Variants in HSPBAP1 observed in about 807,000 individuals in gnomAD.
HSPBAP1 encodes HSPB1 associated protein 1.
HSPBAP1 carries 27 observed loss-of-function variants against 45.2 expected under a neutral mutation model. That is an observed-to-expected ratio of 0.60 (90% CI 0.44 to 0.82). The LOEUF (loss-of-function observed/expected upper bound fraction) is 0.82. HSPBAP1 is among the 40% of genes least tolerant of loss of function. The probability of loss-of-function intolerance (pLI) is 0.00; values close to 1 mark genes in which losing one functional copy is unlikely to be tolerated. For synonymous variants in HSPBAP1, 204 were observed against 202.7 expected (o/e 1.01, Z -0.06); for missense variants, 510 against 590.9 (o/e 0.86, Z 1.42).
At chr3:122,751,681 T>C (rs1315030062) in intron 6 of HSPBAP1, among the ~76,000 whole-genome samples, 2 of 152,218 alleles carry the variant, frequency 1.3e-5, no homozygotes, top group Non-Finnish European at 2.9e-5. Context: ...AAGTTCTCCA[T>C]GGATTCTACC....
Position 122,768,736 on chromosome 3 carries a change from C to G in HSPBAP1, c.397G>C (p.Val133Leu). The change falls in exon 3 of 8, where the codon GTC becomes CTC. Residue 133 changes from valine (V) to leucine (L), a missense_variant. Coordinates refer to ENST00000306103, the MANE Select transcript of HSPBAP1 (RefSeq NM_024610.6). The stretch of plus-strand genomic sequence containing the variant: ...TCTGTCTTGTCTTCAAATAGACTGA[C>G]AAAATATTTATAGTCAGCATAAGCC... ...FWAYADYKYF[V>L]SLFEDKTDLF... 1.2e-6 allele frequency: 2 copies of G among 1,612,662 alleles called. No individual in the cohort carries two copies. The highest frequency in any genetic ancestry group is 1.1e-5 in the South Asian group (1 of 91,052).
chr3:122,743,435 G>A (rs1933736852), intron 6 of HSPBAP1, among the ~76,000 whole-genome samples: 1 of 152,114 alleles, frequency 6.6e-6, no homozygotes. Context: ...GCCTGGTGGT[G>A]CATGCCTTTA....
chr3:122,759,940 C>A (rs1410002259), intron 3 of HSPBAP1, among the ~76,000 whole-genome samples: 1 of 152,208 alleles, frequency 6.6e-6, no homozygotes, highest in Admixed American at 6.5e-5. Flanking sequence ...TTAAAACTAT[C>A]AATGCTGGAG....
Position 122,740,838 on chromosome 3 carries a change from A to C in HSPBAP1, c.974T>G (p.Leu325Ter), listed in dbSNP as rs537005109. The change falls in exon 8 of 8, where the codon TTA (leucine) becomes TGA (stop). Residue 325 changes from leucine to a stop codon, truncating the protein, a stop_gained. Coordinates refer to ENST00000306103, the MANE Select transcript of HSPBAP1 (RefSeq NM_024610.6). LOFTEE classifies it low-confidence loss of function (END_TRUNC). ...AAAAAATGCAGAAACAGCTGCATTTAAGTAGCAACAGTTGACTGCATGGGA... is the reference window on the plus strand; with the variant it reads ...AAAAAATGCAGAAACAGCTGCATTTCAGTAGCAACAGTTGACTGCATGGGA... ...ETSHAVNCCY[L>*]NAAVSAFFDR... 1 of 1,614,166 alleles carries C rather than the reference A, an allele frequency of 6.2e-7. No homozygotes were observed. Among genetic ancestry groups the C allele is most frequent in the African/African-American group, 1.3e-5 (1 of 75,054 alleles).
chr3:122,770,482 T>A (rs1934954113), intron 2 of HSPBAP1, among the ~76,000 whole-genome samples: 1 of 152,104 alleles, frequency 6.6e-6, no homozygotes, highest in Non-Finnish European at 1.5e-5. Context: ...GAGGACTACT[T>A]GAGCCCAGGA....
At position 122,740,792 on chromosome 3, in the gene HSPBAP1, C is replaced by T. The variant is rs1189211804; in HGVS notation, c.1020G>A (p.Glu340=). The change falls in exon 8 of 8, where the codon GAG becomes GAA. Residue 340 remains glutamate, a synonymous_variant. Transcript: ENST00000306103. ...SAFFDRCRTS[E]VVEIQALRTD... is the part of the protein sequence containing the mutation. ...TTCTCAGTGCTTGGATTTCTACTAC[C>T]TCAGATGTTCTGCAGCGATCAAAAA... 1.2e-6 allele frequency: 2 copies of T among 1,614,052 alleles called. No individual in the cohort carries two copies. The highest frequency in any genetic ancestry group is 1.7e-6 in the Non-Finnish European group (2 of 1,180,036).
At chr3:122,743,392 C>T (rs1324733495) in intron 6 of HSPBAP1, among the ~76,000 whole-genome samples, 1 of 152,114 alleles carries the variant, frequency 6.6e-6, no homozygotes, top group Non-Finnish European at 1.5e-5. Context: ...CTTGGAGAAA[C>T]CCCGTCTCTA....
rs374188364 is a variant in HSPBAP1, at chr3:122,786,093, A to C, written c.64+7524T>G. On this transcript the variant is annotated intron_variant, in intron 1 of 7. Transcript: ENST00000306103. Reference sequence around the variant, plus strand: ...TGTTCATCTTTGTGCTACTGAACCAACTACTACCTCCTGAATCCTTTTAGA... The same window carrying C: ...TGTTCATCTTTGTGCTACTGAACCACCTACTACCTCCTGAATCCTTTTAGA... Among the ~76,000 whole-genome samples, 14 of 152,176 alleles carry C rather than the reference A, an allele frequency of 9.2e-5. No individual in the cohort carries two copies. The East Asian group carries it at 2.5e-3, about 27-fold the overall frequency.
At chr3:122,780,189 AC>A (rs1436128317) in intron 1 of HSPBAP1, among the ~76,000 whole-genome samples, 11 of 60,450 alleles carry the variant, frequency 1.8e-4, no homozygotes, top group Non-Finnish European at 2.2e-4. Flanking sequence ...CGGGGGGCTG[AC>A]CCCCCCACCT....
intron 1 of HSPBAP1, among the ~76,000 whole-genome samples, chr3:122,780,580 C>T (rs1168981711): frequency 1.2e-4 from 17 of 143,300 alleles, no homozygotes; most frequent in East Asian, 1.0e-3. Flanking sequence ...CACTCCCGGA[C>T]GGGGCGGCTG....
rs1352356798 is a variant in HSPBAP1, at chr3:122,751,216, C to T, written c.825+1375G>A. ...GAACTATTCTTGACATAATAGCTCT[C>T]CCTCCTCCTCATAGCAATTTCTACT... On this transcript the variant is annotated intron_variant, in intron 6 of 7. Transcript: ENST00000306103. Among the ~76,000 whole-genome samples the T allele has an allele frequency of 4.6e-5, 7 of 152,294 alleles. No individual in the cohort carries two copies. The South Asian group carries it at 1.0e-3, about 23-fold the overall frequency.
intron 3 of HSPBAP1, among the ~76,000 whole-genome samples, chr3:122,762,442 C>T (rs1267023563): frequency 1.3e-5 from 2 of 152,128 alleles, no homozygotes; most frequent in African/African-American, 2.4e-5. Flanking sequence ...ATGACCCGCA[C>T]ATCATACCAT....
chr3:122,762,439 G>A (rs575968695), intron 3 of HSPBAP1, among the ~76,000 whole-genome samples: 4 of 152,044 alleles, frequency 2.6e-5, no homozygotes, highest in East Asian at 1.9e-4. Context: ...TCCATGACCC[G>A]CACATCATAC....
chr3:122,789,025 T>C (rs1002219747), intron 1 of HSPBAP1, among the ~76,000 whole-genome samples: 3 of 152,240 alleles, frequency 2.0e-5, no homozygotes, highest in Non-Finnish European at 4.4e-5. Flanking sequence ...AAATTTTATC[T>C]ACATTATGAA....
intron 1 of HSPBAP1, among the ~76,000 whole-genome samples, chr3:122,789,722 A>G (rs1935763927): frequency 6.6e-6 from 1 of 152,194 alleles, no homozygotes; most frequent in South Asian, 2.1e-4. Context: ...CTTCTGTAGA[A>G]TGAGCTATCA....
At chr3:122,759,832 C>T (rs61373136) in intron 3 of HSPBAP1, among the ~76,000 whole-genome samples, 2 of 152,226 alleles carry the variant, frequency 1.3e-5, no homozygotes, top group African/African-American at 4.8e-5. Context: ...CGTATTTCCT[C>T]TAAGCAGTGC....
chr3:122,778,709 T>G (rs1032198461), intron 1 of HSPBAP1, among the ~76,000 whole-genome samples: 3 of 152,064 alleles, frequency 2.0e-5, no homozygotes, highest in African/African-American at 7.2e-5. Flanking sequence ...TTTTTGTAGT[T>G]TTAGTAGAGA....
chr3:122,770,303 G>T (rs192299031), intron 2 of HSPBAP1, among the ~76,000 whole-genome samples: 56 of 152,280 alleles, frequency 3.7e-4, no homozygotes, highest in Admixed American at 3.1e-3. Flanking sequence ...TTATCTAAAA[G>T]ATTAAAATGT....
chr3:122,750,106 C>T (rs1357786700), intron 6 of HSPBAP1, among the ~76,000 whole-genome samples: 2 of 151,476 alleles, frequency 1.3e-5, no homozygotes, highest in African/African-American at 4.9e-5. Context: ...TCCCGAATAG[C>T]CGGGATTACA....
Sources: gnomAD v4.1 joint callset for allele counts (sites outside exome capture counted in the v4.1 genomes callset) on GRCh38, gnomAD v4.1.1 for gene constraint, MANE v1.5 for transcripts, NCBI Gene and HGNC (gene_info 2026-07-23, HGNC 2026-07-21) for gene names.